ARHGAP26: variants seen among roughly 807,000 people sequenced by gnomAD.
The protein encoded by ARHGAP26 is rho GTPase-activating protein 26.
ARHGAP26 carries 38 observed loss-of-function variants against 104.8 expected under a neutral mutation model. The ratio of observed to expected loss-of-function variants is 0.36; its 90% confidence interval spans 0.28 to 0.48. ARHGAP26 has a LOEUF of 0.48. Among genes scored for constraint, ARHGAP26 ranks in the 20% least tolerant of loss-of-function variants. The pLI is 0.99. For synonymous variants in ARHGAP26, 341 were observed against 340.0 expected (o/e 1.00, Z -0.03); for missense variants, 704 against 947.9 (o/e 0.74, Z 3.38).
intron 22 of ARHGAP26, among the ~76,000 whole-genome samples, chr5:143,217,321 G>C (rs532634299): frequency 6.6e-6 from 1 of 152,322 alleles, no homozygotes; most frequent in African/African-American, 2.4e-5. Context: ...GTGGGAAATG[G>C]ATGTGCAATA....
intron 15 of ARHGAP26, among the ~76,000 whole-genome samples, chr5:143,055,129 A>C (rs1019818509): frequency 6.6e-6 from 1 of 152,232 alleles, no homozygotes; most frequent in Non-Finnish European, 1.5e-5. Context: ...TTTCATGAAT[A>C]GACCAAAATA....
chr5:142,839,682 T>C (rs1561929717), intron 1 of ARHGAP26, among the ~76,000 whole-genome samples: 1 of 152,186 alleles, frequency 6.6e-6, no homozygotes, highest in East Asian at 1.9e-4. Flanking sequence ...GAGGCTTTCC[T>C]GAGAGTGAGA....
rs553480226 is a variant in ARHGAP26, at chr5:142,957,090, A to G, written c.1107+24965A>G. On this transcript the variant is annotated intron_variant, in intron 11 of 22. Transcript: ENST00000645722. ...AAAGGAGGAGCTGGCATATTAGAAC[A>G]CTTAATGAAGAGAAAACACAGGAGT... 2.0e-5 allele frequency among the ~76,000 whole-genome samples: 3 copies of G among 152,312 alleles called. No individual in the cohort carries two copies. The South Asian group carries it at 6.2e-4, about 32-fold the overall frequency.
chr5:143,140,606 C>T (rs1798397988), intron 19 of ARHGAP26, among the ~76,000 whole-genome samples: 1 of 152,100 alleles, frequency 6.6e-6, no homozygotes, highest in Admixed American at 6.6e-5. Context: ...AATATCCTTC[C>T]CTTTGGAGCC....
At chr5:143,058,781 A>G (rs1562346713) in intron 17 of ARHGAP26, among the ~76,000 whole-genome samples, 1 of 152,224 alleles carries the variant, frequency 6.6e-6, no homozygotes, top group Non-Finnish European at 1.5e-5. Flanking sequence ...GATATATATC[A>G]TGAAGATTTC....
chr5:143,214,169 C>T, intron 22 of ARHGAP26, 81 bp downstream of exon 22: 1 of 898,098 alleles, frequency 1.1e-6, no homozygotes, highest in Admixed American at 2.1e-5. Flanking sequence ...ATTTTCAAAG[C>T]TCCTCCCGAG....
chr5:143,078,429 T>C (rs1029732857), intron 17 of ARHGAP26, among the ~76,000 whole-genome samples: 14 of 152,218 alleles, frequency 9.2e-5, no homozygotes, highest in African/African-American at 3.4e-4. Context: ...TATCCAGACC[T>C]GAGTGTGTCC....
At chr5:143,016,278 G>A (rs1477082996) in intron 12 of ARHGAP26, among the ~76,000 whole-genome samples, 1 of 152,176 alleles carries the variant, frequency 6.6e-6, no homozygotes, top group African/African-American at 2.4e-5. Flanking sequence ...GAAAATATAA[G>A]CAGTTGTGAC....
At chr5:142,874,421 C>T (rs1051312054) in intron 2 of ARHGAP26, among the ~76,000 whole-genome samples, 1 of 152,190 alleles carries the variant, frequency 6.6e-6, no homozygotes, top group East Asian at 1.9e-4. Context: ...GGGCTGAGTA[C>T]AGGCAATTGG....
chr5:142,921,244 T>C (rs1486253262), intron 10 of ARHGAP26, among the ~76,000 whole-genome samples: 1 of 152,256 alleles, frequency 6.6e-6, no homozygotes, highest in East Asian at 1.9e-4. Flanking sequence ...GTTGGGTGTT[T>C]AATTAGGTAT....
At chr5:142,934,757 G>A (rs1023914247) in intron 11 of ARHGAP26, among the ~76,000 whole-genome samples, 1 of 145,570 alleles carries the variant, frequency 6.9e-6, no homozygotes, top group African/African-American at 2.5e-5. Context: ...ATTATTTGGT[G>A]TTGGTGGATT....
At chr5:142,959,312 A>T (rs1769810933) in intron 11 of ARHGAP26, among the ~76,000 whole-genome samples, 2 of 152,224 alleles carry the variant, frequency 1.3e-5, no homozygotes, top group African/African-American at 4.8e-5. Flanking sequence ...GCCACCACAA[A>T]ATGATTAGCT....
intron 2 of ARHGAP26, 132 bp downstream of exon 2, chr5:142,873,627 G>A: frequency 1.7e-6 from 1 of 586,210 alleles, no homozygotes; most frequent in Non-Finnish European, 2.8e-6. Context: ...TGGAAGTGGA[G>A]GGCCAGAGAT....
intron 12 of ARHGAP26, among the ~76,000 whole-genome samples, chr5:143,016,301 G>T (rs1779577612): frequency 6.6e-6 from 1 of 152,154 alleles, no homozygotes; most frequent in Admixed American, 6.5e-5. Flanking sequence ...TTTGCTTTTT[G>T]CACCTCATTA....
chr5:143,035,134 G>A (rs1293195939), intron 12 of ARHGAP26, among the ~76,000 whole-genome samples: 1 of 152,186 alleles, frequency 6.6e-6, no homozygotes, highest in African/African-American at 2.4e-5. Context: ...CAATAAGTAT[G>A]TATGTAAGTA....
intron 20 of ARHGAP26, chr5:143,203,649 A>G (rs546317911): frequency 3.3e-5 from 5 of 152,374 alleles, no homozygotes; most frequent in African/African-American, 9.6e-5. Flanking sequence ...ACTGTTCACA[A>G]TAGCAAAGAC....
At chr5:143,028,210 A>G (rs1781355653) in intron 12 of ARHGAP26, among the ~76,000 whole-genome samples, 2 of 152,194 alleles carry the variant, frequency 1.3e-5, no homozygotes, top group African/African-American at 4.8e-5. Context: ...TGATGCACCT[A>G]ACTGTGTAGC....
intron 1 of ARHGAP26, among the ~76,000 whole-genome samples, chr5:142,846,558 G>A (rs866052734): frequency 2.6e-5 from 4 of 152,188 alleles, no homozygotes; most frequent in African/African-American, 4.8e-5. Context: ...AACTGGGCCT[G>A]CTGCTTCTAG....
intron 17 of ARHGAP26, among the ~76,000 whole-genome samples, chr5:143,071,915 C>G (rs1434116018): frequency 6.6e-6 from 1 of 152,044 alleles, no homozygotes; most frequent in Admixed American, 6.6e-5. Context: ...AAAAAACAAA[C>G]AAACAAACAA....
Sources: gnomAD v4.1 joint callset for allele counts (sites outside exome capture counted in the v4.1 genomes callset) on GRCh38, gnomAD v4.1.1 for gene constraint, MANE v1.5 for transcripts, NCBI Gene and HGNC (gene_info 2026-07-23, HGNC 2026-07-21) for gene names.